DAP: variants seen among roughly 807,000 people sequenced by gnomAD.
The protein encoded by DAP is death-associated protein 1.
Under a neutral mutation model 13.8 loss-of-function variants are expected in DAP, and 8 were observed. That is an observed-to-expected ratio of 0.58 (90% CI 0.34 to 1.05). The LOEUF (loss-of-function observed/expected upper bound fraction) is 1.05. Among genes scored for constraint, DAP ranks in the 50% least tolerant of loss-of-function variants. DAP has a pLI of 0.03. For missense variants in DAP, 106 were observed against 133.2 expected (o/e 0.80, Z 1.01); for synonymous variants, 47 against 47.5 (o/e 0.99, Z 0.04).
chr5:10,713,603 A>T (rs1246577897), intron 2 of DAP, among the ~76,000 whole-genome samples: 1 of 152,222 alleles, frequency 6.6e-6, no homozygotes, highest in Non-Finnish European at 1.5e-5. Flanking sequence ...ACAATCACAC[A>T]GGCAACAGGT....
At chr5:10,713,361 C>T (rs758698654) in intron 2 of DAP, among the ~76,000 whole-genome samples, 1 of 152,118 alleles carries the variant, frequency 6.6e-6, no homozygotes, top group African/African-American at 2.4e-5. Context: ...GTTCCAGGCA[C>T]GACAGCAGGA....
At chr5:10,755,707 C>G (rs1045178330) in intron 1 of DAP, among the ~76,000 whole-genome samples, 3 of 152,066 alleles carry the variant, frequency 2.0e-5, no homozygotes, top group Admixed American at 2.0e-4. Context: ...GTACTTTATA[C>G]AAAAGTGAAC....
At chr5:10,714,390 T>A (rs1033799900) in intron 2 of DAP, among the ~76,000 whole-genome samples, 2 of 152,222 alleles carry the variant, frequency 1.3e-5, no homozygotes, top group Admixed American at 6.5e-5. Flanking sequence ...AGAATTACCG[T>A]TGACATTCAT....
chr5:10,755,760 A>G (rs1396646785), intron 1 of DAP, among the ~76,000 whole-genome samples: 3 of 152,262 alleles, frequency 2.0e-5, no homozygotes, highest in Non-Finnish European at 4.4e-5. Flanking sequence ...CTGGGAAGGG[A>G]AAAGCAGTCA....
chr5:10,707,745 A>G lies in DAP; in HGVS notation c.153-24174T>C, dbSNP rs545381550. ...GTGGTGTGTGGGTGGTATGGCACAC[A>G]GGTGGCGTGGCATAGGAATCATGTG... On this transcript the variant is annotated intron_variant, in intron 2 of 3. Transcript: ENST00000230895. This position sits in a 1 kb window ranked among gnomAD's most constrained non-coding sequence, Gnocchi z 4.0. 6.6e-6 allele frequency among the ~76,000 whole-genome samples: 1 copy of G among 152,274 alleles called. No individual in the cohort carries two copies. Among genetic ancestry groups the G allele is most frequent in the East Asian group, 1.9e-4 (1 of 5,194 alleles).
intron 2 of DAP, among the ~76,000 whole-genome samples, chr5:10,701,971 A>G (rs1738589902): frequency 6.6e-6 from 1 of 152,236 alleles, no homozygotes; most frequent in Non-Finnish European, 1.5e-5. Flanking sequence ...GCTGATAAAC[A>G]GCAACTTCAA....
intron 1 of DAP, among the ~76,000 whole-genome samples, chr5:10,753,463 G>A (rs1439761625): frequency 6.6e-6 from 1 of 152,244 alleles, no homozygotes; most frequent in African/African-American, 2.4e-5. Flanking sequence ...CCACAGAGCA[G>A]CTGCCTGCCC....
chr5:10,715,108 G>A (rs1411371346), intron 2 of DAP, among the ~76,000 whole-genome samples: 1 of 152,116 alleles, frequency 6.6e-6, no homozygotes. Context: ...CCACAAATGT[G>A]ACTTAAATTT....
At chr5:10,693,126 A>ACACG (rs1561009078) in intron 2 of DAP, among the ~76,000 whole-genome samples, 1 of 45,362 alleles carries the variant, frequency 2.2e-5, no homozygotes, top group Non-Finnish European at 3.8e-5. Context: ...ATGCACACGC[A>ACACG]CACACACACA....
At chr5:10,681,427 C>G (rs1422058205) in intron 3 of DAP, among the ~76,000 whole-genome samples, 4 of 148,720 alleles carry the variant, frequency 2.7e-5, no homozygotes. Context: ...CCAGCGCCCA[C>G]CAGCGTCCCT....
chr5:10,723,944 A>T (rs900891154), intron 2 of DAP, among the ~76,000 whole-genome samples: 1 of 152,172 alleles, frequency 6.6e-6, no homozygotes, highest in African/African-American at 2.4e-5. Context: ...TATTTGGAAG[A>T]TTATTGAAGT....
chr5:10,707,785 T>C lies in DAP; in HGVS notation c.153-24214A>G, dbSNP rs567451829. Among the ~76,000 whole-genome samples, 14 of 152,316 alleles carry C rather than the reference T, an allele frequency of 9.2e-5. No individual in the cohort carries two copies. The South Asian group carries it at 1.4e-3, about 16-fold the overall frequency. ...GGAATCATGTGATGCACAGGTGCTA[T>C]GGTGCAAAGATGGTGTGATGGATGG... On this transcript the variant is annotated intron_variant, in intron 2 of 3. Transcript: ENST00000230895. The surrounding 1 kb of genome is among the most constrained non-coding windows in gnomAD (Gnocchi z 4.0).
intron 1 of DAP, among the ~76,000 whole-genome samples, chr5:10,760,507 A>C (rs148214254): frequency 6.6e-6 from 1 of 152,220 alleles, no homozygotes; most frequent in Non-Finnish European, 1.5e-5. Flanking sequence ...TGTGGAAGAA[A>C]CTGGCGGTGA....
At chr5:10,703,448 C>A (rs1579794621) in intron 2 of DAP, among the ~76,000 whole-genome samples, 1 of 152,052 alleles carries the variant, frequency 6.6e-6, no homozygotes, top group Non-Finnish European at 1.5e-5. Flanking sequence ...GTCTTTGCTG[C>A]GCATCAGGTG....
intron 2 of DAP, among the ~76,000 whole-genome samples, chr5:10,701,907 A>T (rs1159849548): frequency 6.6e-6 from 1 of 152,176 alleles, no homozygotes; most frequent in African/African-American, 2.4e-5. Context: ...TTCATTTTTC[A>T]TGGAAGAAAT....
intron 2 of DAP, among the ~76,000 whole-genome samples, chr5:10,687,040 A>C (rs1738173655): frequency 6.6e-6 from 1 of 152,146 alleles, no homozygotes; most frequent in African/African-American, 2.4e-5. Flanking sequence ...AATTACATAA[A>C]ATCTACTCTG....
chr5:10,695,048 C>T (rs16898815), intron 2 of DAP, among the ~76,000 whole-genome samples: 260 of 152,310 alleles, frequency 1.7e-3, no homozygotes, highest in East Asian at 0.011. Flanking sequence ...TTGGCTTGGT[C>T]TTAATTTATT....
At chr5:10,681,929 T>C (rs540986265) in intron 3 of DAP, among the ~76,000 whole-genome samples, 219 of 150,450 alleles carry the variant, frequency 1.5e-3, no homozygotes, top group Admixed American at 6.3e-3. Context: ...ATGGCGGTTG[T>C]ATATGAGGAA....
intron 2 of DAP, among the ~76,000 whole-genome samples, chr5:10,688,396 G>A (rs1307096509): frequency 1.3e-5 from 2 of 151,242 alleles, no homozygotes. Context: ...TTTAAATTAA[G>A]TTATGCATTG....
Sources: allele counts gnomAD v4.1 joint callset (sites outside exome capture counted in the v4.1 genomes callset), GRCh38; gene constraint gnomAD v4.1.1; non-coding constraint Gnocchi (gnomAD v3.1); transcripts MANE v1.5; gene names NCBI Gene and HGNC (gene_info 2026-07-23, HGNC 2026-07-21).